The following AHNAK variants were observed in gnomAD, a reference collection of about 807,000 sequenced individuals.
The protein encoded by AHNAK is AHNAK nucleoprotein, also known as neuroblast differentiation-associated protein AHNAK.
In AHNAK, 23 loss-of-function variants were observed where a neutral mutation model predicts 37.8. The observed-to-expected ratio is 0.61, with a 90% confidence interval of 0.44 to 0.86. The LOEUF (loss-of-function observed/expected upper bound fraction) is 0.86. AHNAK is among the 40% of genes least tolerant of loss of function. The probability of loss-of-function intolerance (pLI) is 0.00; values close to 1 mark genes in which losing one functional copy is unlikely to be tolerated. For synonymous variants in AHNAK, 2,481 were observed against 2,636.3 expected, an observed-to-expected ratio of 0.94 and a Z score of 1.80; for missense variants, 7,411 against 7,319.4, an observed-to-expected ratio of 1.01 and a Z score of -0.46.
intron 5 of AHNAK, among the ~76,000 whole-genome samples, chr11:62,472,193 C>T (rs1245290042): frequency 6.6e-6 from 1 of 152,120 alleles, no homozygotes; most frequent in East Asian, 1.9e-4. Context: ...TGCCTCTAGA[C>T]CTAGAGTGGG....
chr11:62,458,887 G>A (rs1938724495), intron 5 of AHNAK, among the ~76,000 whole-genome samples: 1 of 152,126 alleles, frequency 6.6e-6, no homozygotes. Flanking sequence ...TACCCCAGCT[G>A]TTTCAAAGTC....
chr11:62,517,596 G>C lies in AHNAK; in HGVS notation c.16821C>G (p.Asn5607Lys), dbSNP rs188612254. ...CCCCAGCAAACTTAGATGTGTCCAAGTTGAGAGCAGAGGAGACTTGGGGTC... is the reference window on the plus strand; with the variant it reads ...CCCCAGCAAACTTAGATGTGTCCAACTTGAGAGCAGAGGAGACTTGGGGTC... ...WKGPQVSSAL[N>K]LDTSKFAGGL... The change falls in exon 5 of 5, where the codon AAC (asparagine) becomes AAG (lysine). Residue 5607 changes from asparagine (N) to lysine (K), a missense_variant. Transcript: ENST00000378024. The C allele has an allele frequency of 4.3e-6, 7 of 1,614,164 alleles. No homozygotes were observed. The Admixed American group carries it at 1.0e-4, about 23-fold the overall frequency.
chr11:62,523,959 G>A lies in AHNAK; in HGVS notation c.10458C>T (p.Gly3486=). 2 of 1,613,998 alleles carry A rather than the reference G, an allele frequency of 1.2e-6. No homozygotes were observed. Among genetic ancestry groups the A allele is most frequent in the Non-Finnish European group, 1.7e-6 (2 of 1,180,016 alleles). Residue 3486 remains glycine (G), a synonymous_variant, in exon 5 of 5, where the codon GGC becomes GGT. Coordinates refer to ENST00000378024, the MANE Select transcript of AHNAK (RefSeq NM_001620.3). ...CTACATCTGGCCCTTCTGCTTTTAA[G>A]CCAGACACACTGAATTTGGGCATTT... is the stretch of plus-strand genomic sequence containing the variant. ...KMKMPKFSVS[G]LKAEGPDVAV... is the part of the protein sequence containing the mutation.
intron 4 of AHNAK, among the ~76,000 whole-genome samples, chr11:62,493,794 C>G (rs1777555895): frequency 6.6e-6 from 1 of 152,008 alleles, no homozygotes; most frequent in Admixed American, 6.6e-5. Flanking sequence ...TCTTATTCAT[C>G]CTTCCTTCTT....
chr11:62,543,374 G>A (rs772885408), intron 1 of AHNAK, among the ~76,000 whole-genome samples: 1 of 152,164 alleles, frequency 6.6e-6, no homozygotes, highest in African/African-American at 2.4e-5. Flanking sequence ...ATCCAGGCAC[G>A]CCACAAGGGG....
intron 4 of AHNAK, among the ~76,000 whole-genome samples, chr11:62,500,076 A>T (rs763487422): frequency 3.9e-5 from 6 of 152,176 alleles, no homozygotes; most frequent in African/African-American, 1.4e-4. Flanking sequence ...GGGCAGGTGA[A>T]ATGCCTCAAG....
Position 62,535,145 on chromosome 11 carries a change from G to C in AHNAK, c.200C>G (p.Ser67Trp). ...GATIYFDNLQSGEVTQLLNTM... is the reference protein window; with the variant it reads ...GATIYFDNLQWGEVTQLLNTM... ...GTTCAGCAGCTGGGTCACCTCACCC[G>C]ACTGCAGGTTGTCAAAGTAGATGGT... is the stretch of plus-strand genomic sequence containing the variant. Residue 67 changes from serine to tryptophan, a missense_variant, in exon 4 of 5, where the codon TCG becomes TGG. Coordinates refer to ENST00000378024, the MANE Select transcript of AHNAK (RefSeq NM_001620.3). The C allele has an allele frequency of 6.2e-7, 1 of 1,613,004 alleles. No individual in the cohort carries two copies. Among genetic ancestry groups the C allele is most frequent in the South Asian group, 1.1e-5 (1 of 91,066 alleles).
chr11:62,526,613 G>A lies in AHNAK; in HGVS notation c.7804C>T (p.Pro2602Ser). Residue 2602 changes from proline (P) to serine (S), a missense_variant, in exon 5 of 5, where the codon CCC becomes TCC. Pro to Ser is a moderately conservative substitution (Grantham distance 74, BLOSUM62 -1). Coordinates refer to ENST00000378024, the MANE Select transcript of AHNAK (RefSeq NM_001620.3). ...KVKGDVDVSL[P>S]KVEGDLKGPE... Reference sequence around the variant, plus strand: ...CCCTTGAGGTCACCTTCCACTTTGGGCAGAGAAACATCCACATCGCCCTTC... The same window carrying A: ...CCCTTGAGGTCACCTTCCACTTTGGACAGAGAAACATCCACATCGCCCTTC... The A allele has an allele frequency of 6.2e-7, 1 of 1,613,610 alleles. No homozygotes were observed. Among genetic ancestry groups the A allele is most frequent in the East Asian group, 2.2e-5 (1 of 44,836 alleles).
chr11:62,517,957 C>T lies in AHNAK; in HGVS notation c.16460G>A (p.Gly5487Asp). 14 of 1,614,184 alleles carry T rather than the reference C, an allele frequency of 8.7e-6. No homozygotes were observed. Among genetic ancestry groups the T allele is most frequent in the Non-Finnish European group, 1.2e-5 (14 of 1,180,040 alleles). ...GGGLPGIGVQ[G>D]LEGNLQMPGI... The stretch of plus-strand genomic sequence containing the variant: ...AGGCATCTGGAGGTTTCCTTCTAGG[C>T]CTTGAACACCAATGCCTGGAAGACC... Residue 5487 changes from glycine (G) to aspartate (D), a missense_variant, in exon 5 of 5, where the codon GGC becomes GAC. Gly to Asp is a moderately conservative substitution (Grantham distance 94, BLOSUM62 -1). Coordinates refer to ENST00000378024, the MANE Select transcript of AHNAK (RefSeq NM_001620.3).
intron 4 of AHNAK, among the ~76,000 whole-genome samples, chr11:62,506,997 TCCCTGGCCTGA>T (rs1403471864): frequency 6.6e-6 from 1 of 152,104 alleles, no homozygotes; most frequent in African/African-American, 2.4e-5. Context: ...CTTCTCTTGC[TCCCTGGCCTGA>T]CCCTGCTAAA....
downstream of AHNAK, among the ~76,000 whole-genome samples, chr11:62,514,451 C>T (rs915729084): frequency 2.6e-5 from 4 of 152,302 alleles, no homozygotes; most frequent in South Asian, 2.1e-4. Flanking sequence ...AGCATGCTCA[C>T]GGCTGGAGTG....
intron 1 of AHNAK, among the ~76,000 whole-genome samples, chr11:62,541,669 C>T (rs538938587): frequency 6.6e-6 from 1 of 152,330 alleles, no homozygotes; most frequent in Admixed American, 6.5e-5. Flanking sequence ...TTGGCAACAT[C>T]CCATGCCTGG....
At chr11:62,497,491 C>T (rs1939631568) in intron 4 of AHNAK, among the ~76,000 whole-genome samples, 1 of 152,090 alleles carries the variant, frequency 6.6e-6, no homozygotes. Context: ...CACAACCATT[C>T]CTATCAAAAA....
intron 5 of AHNAK, among the ~76,000 whole-genome samples, chr11:62,483,728 T>C (rs1351445747): frequency 6.6e-6 from 1 of 151,730 alleles, no homozygotes; most frequent in Admixed American, 6.6e-5. Flanking sequence ...GCGTGGTGGC[T>C]GGCACCTGTA....
At chr11:62,439,376 G>A (rs1208407865) in intron 5 of AHNAK, among the ~76,000 whole-genome samples, 13 of 151,860 alleles carry the variant, frequency 8.6e-5, no homozygotes, top group Non-Finnish European at 1.6e-4. Flanking sequence ...GATTACAGGC[G>A]TGAGCCACCG....
intron 5 of AHNAK, among the ~76,000 whole-genome samples, chr11:62,483,218 T>C (rs1384467188): frequency 6.6e-6 from 1 of 152,168 alleles, no homozygotes; most frequent in African/African-American, 2.4e-5. Flanking sequence ...CTGCAGGCCT[T>C]CTGCTTTACC....
chr11:62,450,563 A>G (rs925687714), intron 5 of AHNAK, among the ~76,000 whole-genome samples: 1 of 152,194 alleles, frequency 6.6e-6, no homozygotes, highest in Non-Finnish European at 1.5e-5. Flanking sequence ...CCCAGACATA[A>G]GACTTCACCA....
rs751942329 is a variant in AHNAK, at chr11:62,530,451, C to G, written c.3966G>C (p.Lys1322Asn). Residue 1322 changes from lysine to asparagine, a missense_variant, in exon 5 of 5, where the codon AAG (lysine) becomes AAC (asparagine). Transcript: ENST00000378024. ...KMPEMHFKAP[K>N]ISMPDVDLNL... The stretch of plus-strand genomic sequence containing the variant: ...TCAGGTCCACATCAGGCATGGAGAT[C>G]TTGGGGGCCTTGAAGTGCATCTCAG... 6.2e-7 allele frequency: 1 copy of G among 1,614,094 alleles called. No individual in the cohort carries two copies. The highest frequency in any genetic ancestry group is 1.1e-5 in the South Asian group (1 of 91,084).
At position 62,535,154 on chromosome 11, in the gene AHNAK, T is replaced by C. The variant is rs1487299008; in HGVS notation, c.191A>G (p.Asn64Ser). Reference sequence around the variant, plus strand: ...CTGGGTCACCTCACCCGACTGCAGGTTGTCAAAGTAGATGGTGGCACCCAC... The same window carrying C: ...CTGGGTCACCTCACCCGACTGCAGGCTGTCAAAGTAGATGGTGGCACCCAC... ...QIVGATIYFD[N>S]LQSGEVTQLL... The change falls in exon 4 of 5, where the codon AAC becomes AGC. Residue 64 changes from asparagine to serine, a missense_variant. Physicochemically the swap from Asn to Ser is conservative, Grantham distance 46. Coordinates refer to ENST00000378024, the MANE Select transcript of AHNAK (RefSeq NM_001620.3). The C allele has an allele frequency of 3.1e-6, 5 of 1,612,076 alleles. No homozygotes were observed. Among genetic ancestry groups the C allele is most frequent in the African/African-American group, 2.7e-5 (2 of 74,750 alleles).
Sources: gnomAD v4.1 joint callset for allele counts (sites outside exome capture counted in the v4.1 genomes callset) on GRCh38, gnomAD v4.1.1 for gene constraint, MANE v1.5 for transcripts, NCBI Gene and HGNC (gene_info 2026-07-23, HGNC 2026-07-21) for gene names.